Variants in GRIK4 observed in about 807,000 individuals in gnomAD.
GRIK4 encodes the protein glutamate ionotropic receptor kainate type subunit 4, also known as glutamate receptor ionotropic, kainate 4.
In GRIK4, 40 loss-of-function variants were observed where a neutral mutation model predicts 104.9. That is an observed-to-expected ratio of 0.38 (90% CI 0.30 to 0.50). The LOEUF is 0.50. GRIK4 is among the 20% of genes least tolerant of loss of function. GRIK4 has a pLI of 0.93. For missense variants in GRIK4, 1,047 were observed against 1,308.1 expected (o/e 0.80, Z 3.08); for synonymous variants, 485 against 524.9 (o/e 0.92, Z 1.04).
chr11:120,959,586 A>T (rs1304278056), intron 16 of GRIK4, among the ~76,000 whole-genome samples: 1 of 152,150 alleles, frequency 6.6e-6, no homozygotes, highest in African/African-American at 2.4e-5. Flanking sequence ...TGGGATTGGG[A>T]TGTAGATCCA....
chr11:120,791,733 T>A (rs546131737), intron 3 of GRIK4, among the ~76,000 whole-genome samples: 382 of 152,340 alleles, frequency 2.5e-3, no homozygotes, highest in Admixed American at 4.7e-3. Flanking sequence ...CCGTTATGTC[T>A]ATGGTCCATT....
At chr11:120,882,286 C>G (rs1273957342) in intron 11 of GRIK4, among the ~76,000 whole-genome samples, 2 of 152,174 alleles carry the variant, frequency 1.3e-5, no homozygotes, top group Admixed American at 1.3e-4. Context: ...TTGCTACTGT[C>G]TAATACATTT....
chr11:120,981,670 C>G (rs1476520536), intron 19 of GRIK4, among the ~76,000 whole-genome samples: 1 of 152,120 alleles, frequency 6.6e-6, no homozygotes, highest in Non-Finnish European at 1.5e-5. Context: ...ATGGTTTGGT[C>G]AAAACAGTTG....
intron 1 of GRIK4, among the ~76,000 whole-genome samples, chr11:120,615,884 G>T (rs936187037): frequency 1.3e-5 from 2 of 151,788 alleles, no homozygotes; most frequent in Non-Finnish European, 2.9e-5. Flanking sequence ...TGGGCCTAGC[G>T]TCCTCATCTG....
Position 120,819,721 on chromosome 11 carries a change from C to T in GRIK4, c.346-34C>T. On this transcript the variant is annotated intron_variant, in intron 5 of 20. Coordinates refer to ENST00000527524, the MANE Select transcript of GRIK4 (RefSeq NM_014619.5). This position sits in a 1 kb window ranked among gnomAD's most constrained non-coding sequence, Gnocchi z 4.3. ...TTTCTTCCTTTTCACCCACCTGGAT[C>T]CTCCCTGCTGTCCGTTTTTGCTCCT... 2 of 1,608,424 alleles carry T rather than the reference C, an allele frequency of 1.2e-6. No individual in the cohort carries two copies. Among genetic ancestry groups the T allele is most frequent in the Non-Finnish European group, 1.7e-6 (2 of 1,175,014 alleles).
intron 13 of GRIK4, among the ~76,000 whole-genome samples, chr11:120,935,173 C>A (rs1308707976): frequency 6.6e-6 from 1 of 152,218 alleles, no homozygotes; most frequent in Non-Finnish European, 1.5e-5. Context: ...TAGAGAGCCT[C>A]TGCTTGAACC....
intron 3 of GRIK4, among the ~76,000 whole-genome samples, chr11:120,737,699 G>T (rs1951250120): frequency 2.0e-5 from 3 of 151,728 alleles, no homozygotes; most frequent in Admixed American, 2.0e-4. Flanking sequence ...AATCATAAAA[G>T]AAAAAAAACC....
chr11:120,892,091 G>A (rs1364312272), intron 11 of GRIK4, among the ~76,000 whole-genome samples: 1 of 152,192 alleles, frequency 6.6e-6, no homozygotes, highest in Non-Finnish European at 1.5e-5. Flanking sequence ...AGCTGAAAGG[G>A]GCTGGGGGGC....
chr11:120,853,286 G>C (rs1277289163), intron 8 of GRIK4, among the ~76,000 whole-genome samples: 1 of 152,184 alleles, frequency 6.6e-6, no homozygotes, highest in Non-Finnish European at 1.5e-5. Context: ...TTTCTGTCCT[G>C]TATTCAGTAA....
At position 120,940,224 on chromosome 11, in the gene GRIK4, C is replaced by G. The variant is rs76782574; in HGVS notation, c.1477-123C>G. ...TGTATGCAGTGTTGACTTAGAGCCACTCCTCAAGCAAGAAGCCAGACCAGC... is the reference window on the plus strand; with the variant it reads ...TGTATGCAGTGTTGACTTAGAGCCAGTCCTCAAGCAAGAAGCCAGACCAGC... On this transcript the variant is annotated intron_variant, in intron 13 of 20. Coordinates refer to ENST00000527524, the MANE Select transcript of GRIK4 (RefSeq NM_014619.5). This position sits in a 1 kb window ranked among gnomAD's most constrained non-coding sequence, Gnocchi z 4.3. The G allele has an allele frequency of 2.2e-3, 1,409 of 631,852 alleles. 50 individuals carry two copies. In the East Asian group the frequency reaches 0.037, roughly 17 times the overall value. 39.1% of individuals were successfully genotyped at this position (631,852 alleles called of 1,614,324 possible).
chr11:120,793,482 C>G (rs937585765), intron 3 of GRIK4, among the ~76,000 whole-genome samples: 1 of 152,112 alleles, frequency 6.6e-6, no homozygotes, highest in Non-Finnish European at 1.5e-5. Context: ...TGTCTGGAGC[C>G]CTCGTTACCT....
rs574727113 is a variant in GRIK4 at position 120,693,348 on chromosome 11, G to A, written c.82+32948G>A. On this transcript the variant is annotated intron_variant, in intron 3 of 20. Coordinates refer to ENST00000527524, the MANE Select transcript of GRIK4 (RefSeq NM_014619.5). ...TTGAACTCCTGACCTCAAGTGATTC[G>A]CCTGGCGTGGCCTCCCAAAGTGCTG... Among the ~76,000 whole-genome samples, 24 of 151,412 alleles carry A rather than the reference G, an allele frequency of 1.6e-4. No individual in the cohort carries two copies. In the South Asian group the frequency reaches 4.0e-3, roughly 25 times the overall value.
chr11:120,917,281 G>GAAAT (rs1943130258), intron 13 of GRIK4, among the ~76,000 whole-genome samples: 3 of 127,412 alleles, frequency 2.4e-5, no homozygotes, highest in African/African-American at 8.9e-5. Flanking sequence ...AAGAAAGAAA[G>GAAAT]AAAGAAAGAA....
chr11:120,792,645 A>G (rs1952423353), intron 3 of GRIK4, among the ~76,000 whole-genome samples: 1 of 152,088 alleles, frequency 6.6e-6, no homozygotes, highest in Non-Finnish European at 1.5e-5. Flanking sequence ...GCAATTGGAG[A>G]CTGGTTATTG....
At chr11:120,614,166 C>T (rs1338521621) in intron 1 of GRIK4, among the ~76,000 whole-genome samples, 2 of 152,192 alleles carry the variant, frequency 1.3e-5, no homozygotes, top group Admixed American at 1.3e-4. Flanking sequence ...CGTGGCTCCC[C>T]CAGAAACAGA....
chr11:120,938,440 G>C (rs1196884250), intron 13 of GRIK4, among the ~76,000 whole-genome samples: 2 of 152,206 alleles, frequency 1.3e-5, no homozygotes, highest in Non-Finnish European at 2.9e-5. Flanking sequence ...ATAAGGCTCC[G>C]AGTTTGTTAA....
chr11:120,724,352 A>G (rs1414616441), intron 3 of GRIK4, among the ~76,000 whole-genome samples: 1 of 152,144 alleles, frequency 6.6e-6, no homozygotes, highest in East Asian at 1.9e-4. Flanking sequence ...CACTGTTCAA[A>G]TGGACTACAA....
intron 3 of GRIK4, among the ~76,000 whole-genome samples, chr11:120,747,198 G>A (rs1354195255): frequency 6.6e-6 from 1 of 152,168 alleles, no homozygotes; most frequent in Non-Finnish European, 1.5e-5. Context: ...AATGAGTATA[G>A]TATGATCATC....
intron 12 of GRIK4, among the ~76,000 whole-genome samples, chr11:120,901,869 G>A (rs545848506): frequency 3.8e-4 from 58 of 152,294 alleles, no homozygotes; most frequent in African/African-American, 1.1e-3. Context: ...ATTCACATAC[G>A]TGCACGTGCT....
Sources: gnomAD v4.1 joint callset for allele counts (sites outside exome capture counted in the v4.1 genomes callset) on GRCh38, gnomAD v4.1.1 for gene constraint, Gnocchi (gnomAD v3.1) non-coding constraint, MANE v1.5 for transcripts, NCBI Gene and HGNC (gene_info 2026-07-23, HGNC 2026-07-21) for gene names.